GRAMD1C: variants seen among roughly 807,000 people sequenced by gnomAD.
GRAMD1C encodes the protein protein Aster-C.
A neutral mutation model predicts 97.8 loss-of-function variants in GRAMD1C; 89 were observed. That is an observed-to-expected ratio of 0.91 (90% CI 0.77 to 1.09). The LOEUF is 1.09. GRAMD1C is among the 50% of genes least tolerant of loss of function. The pLI, the probability that GRAMD1C is intolerant of heterozygous loss-of-function variation, is 0.00. For synonymous variants in GRAMD1C, 256 were observed against 267.0 expected, an observed-to-expected ratio of 0.96 and a Z score of 0.40; for missense variants, 740 against 766.4, an observed-to-expected ratio of 0.97 and a Z score of 0.41.
intron 1 of GRAMD1C, among the ~76,000 whole-genome samples, 180 bp downstream of exon 1, chr3:113,839,116 C>A (rs1171295003): frequency 6.6e-6 from 1 of 152,086 alleles, no homozygotes; most frequent in Non-Finnish European, 1.5e-5. Flanking sequence ...CTCTGCGAGC[C>A]CTTTCCCTAC....
intron 6 of GRAMD1C, among the ~76,000 whole-genome samples, chr3:113,895,421 A>C (rs1935897229): frequency 6.6e-6 from 1 of 152,118 alleles, no homozygotes; most frequent in South Asian, 2.1e-4. Flanking sequence ...TTCTCTAAAT[A>C]GTGGTCAGTT....
chr3:113,877,342 C>A (rs1241142900), intron 5 of GRAMD1C, among the ~76,000 whole-genome samples: 1 of 152,214 alleles, frequency 6.6e-6, no homozygotes. Context: ...TAACACTGAT[C>A]TGTTACTGCC....
chr3:113,913,009 A>T, intron 9 of GRAMD1C: 1 of 528,916 alleles, frequency 1.9e-6, no homozygotes, highest in South Asian at 1.7e-5. Context: ...AGTGGGAGAC[A>T]TTTGGAAAGA....
At chr3:113,879,875 G>C (rs1394501682) in intron 5 of GRAMD1C, among the ~76,000 whole-genome samples, 1 of 151,804 alleles carries the variant, frequency 6.6e-6, no homozygotes, top group South Asian at 2.1e-4. Flanking sequence ...TGTATTTTTA[G>C]TAGAGACGGG....
intron 2 of GRAMD1C, chr3:113,850,846 G>A (rs1363687494): frequency 2.5e-6 from 1 of 400,550 alleles, no homozygotes; most frequent in Non-Finnish European, 4.1e-6. Flanking sequence ...CTGTCACCCA[G>A]GCAGGAGTGC....
chr3:113,861,454 A>G (rs868808290), intron 2 of GRAMD1C, among the ~76,000 whole-genome samples: 73 of 152,292 alleles, frequency 4.8e-4, no homozygotes, highest in African/African-American at 1.6e-3. Flanking sequence ...GCACTGTGCT[A>G]TGATCGTGCC....
chr3:113,910,564 T>C (rs1268730831), intron 9 of GRAMD1C, among the ~76,000 whole-genome samples: 1 of 152,222 alleles, frequency 6.6e-6, no homozygotes, highest in Non-Finnish European at 1.5e-5. Context: ...TTGTAATCCA[T>C]GTGTACATGA....
chr3:113,887,855 T>G (rs1935575888), intron 6 of GRAMD1C, among the ~76,000 whole-genome samples: 1 of 151,928 alleles, frequency 6.6e-6, no homozygotes, highest in Non-Finnish European at 1.5e-5. Flanking sequence ...AAGGAAATAT[T>G]ATGAATAATT....
intron 2 of GRAMD1C, among the ~76,000 whole-genome samples, chr3:113,845,430 G>A (rs995279920): frequency 2.0e-5 from 3 of 152,136 alleles, no homozygotes; most frequent in Non-Finnish European, 2.9e-5. Context: ...GATAGCTCAC[G>A]CCTGTAATCC....
intron 9 of GRAMD1C, among the ~76,000 whole-genome samples, chr3:113,911,328 C>T (rs1353461664): frequency 2.6e-5 from 4 of 151,772 alleles, no homozygotes; most frequent in East Asian, 1.9e-4. Flanking sequence ...CTCTGCCTCC[C>T]GAGTTCAAGC....
Position 113,905,900 on chromosome 3 carries a change from T to C in GRAMD1C, c.789+1628T>C, listed in dbSNP as rs201151335. On this transcript the variant is annotated intron_variant, in intron 8 of 17. Coordinates refer to ENST00000358160, the MANE Select transcript of GRAMD1C (RefSeq NM_017577.5). ...TTAGTAGAGATGGGGTTTCCCCATGTTGGCCAGGCTGGTCTCGAACACCTA... is the reference window on the plus strand; with the variant it reads ...TTAGTAGAGATGGGGTTTCCCCATGCTGGCCAGGCTGGTCTCGAACACCTA... Among the ~76,000 whole-genome samples, 14 of 152,318 alleles carry C rather than the reference T, an allele frequency of 9.2e-5. No homozygotes were observed. In the East Asian group the frequency reaches 2.7e-3, roughly 29 times the overall value.
Position 113,838,934 on chromosome 3 carries a change from C to A in GRAMD1C, c.25C>A (p.Gln9Lys). 9.1e-7 allele frequency: 1 copy of A among 1,096,788 alleles called. No homozygotes were observed. The highest frequency in any genetic ancestry group is 1.1e-6 in the Non-Finnish European group (1 of 923,128). The allele number at this position is 1,096,788 out of a possible 1,614,324, so 67.9% of individuals were successfully genotyped here. The change falls in exon 1 of 18, where the codon CAG (glutamine) becomes AAG (lysine). Residue 9 changes from glutamine (Q) to lysine (K), a missense_variant and splice_region_variant. By Grantham distance (53) the Gln-to-Lys change is moderately conservative. Coordinates refer to ENST00000358160, the MANE Select transcript of GRAMD1C (RefSeq NM_017577.5). MEGAPTVR[Q>K]VMNEGDSSLA... is the part of the protein sequence containing the mutation. ...GATGGAGGGCGCTCCGACTGTCCGT[C>A]AGGTAAGCCGCGGGCCTCGCTGGGG...
chr3:113,943,897 G>C (rs1937933054), intron 17 of GRAMD1C, among the ~76,000 whole-genome samples: 1 of 152,218 alleles, frequency 6.6e-6, no homozygotes, highest in African/African-American at 2.4e-5. Context: ...CTGGGTGAAA[G>C]AGCGAGACTC....
chr3:113,876,156 T>C lies in GRAMD1C; in HGVS notation c.364-9T>C. The C allele has an allele frequency of 7.1e-7, 1 of 1,408,760 alleles. No individual in the cohort carries two copies. The highest frequency in any genetic ancestry group is 2.3e-5 in the East Asian group (1 of 43,840). The allele number at this position is 1,408,760 out of a possible 1,614,324, so 87.3% of individuals were successfully genotyped here. A position where few individuals can be genotyped will look rare whatever the true frequency, so the allele number is the denominator to read the frequency against. ...AAAAATACATTAAAAAAATTTTTTGTGTGTTTAGATTTCTATTGCTTTAAA... is the reference window on the plus strand; with the variant it reads ...AAAAATACATTAAAAAAATTTTTTGCGTGTTTAGATTTCTATTGCTTTAAA... On this transcript the variant is annotated splice_polypyrimidine_tract_variant and intron_variant, in intron 4 of 17. Coordinates refer to ENST00000358160, the MANE Select transcript of GRAMD1C (RefSeq NM_017577.5).
intron 2 of GRAMD1C, among the ~76,000 whole-genome samples, chr3:113,859,239 T>C (rs1239300533): frequency 6.6e-6 from 1 of 152,210 alleles, no homozygotes; most frequent in Non-Finnish European, 1.5e-5. Flanking sequence ...CATCTTTAGC[T>C]GTGTCCCACA....
chr3:113,889,285 C>G (rs1345824085), intron 6 of GRAMD1C, among the ~76,000 whole-genome samples: 1 of 152,090 alleles, frequency 6.6e-6, no homozygotes, highest in Non-Finnish European at 1.5e-5. Flanking sequence ...CATGGATGAG[C>G]CTTGAAAACA....
In GRAMD1C at chr3:113,908,944, T is replaced by G; in HGVS notation, c.790-14T>G. ...CCTGTGTTTTATTTTGAAACTGGATTGTTTACCTTTTAGGGATTAGGCAAA... is the reference window on the plus strand; with the variant it reads ...CCTGTGTTTTATTTTGAAACTGGATGGTTTACCTTTTAGGGATTAGGCAAA... On this transcript the variant is annotated splice_polypyrimidine_tract_variant and intron_variant, in intron 8 of 17. Coordinates refer to ENST00000358160, the MANE Select transcript of GRAMD1C (RefSeq NM_017577.5). 1 of 1,506,454 alleles carries G rather than the reference T, an allele frequency of 6.6e-7. No homozygotes were observed. 93.3% of individuals were successfully genotyped at this position (1,506,454 alleles called of 1,614,324 possible). A position where few individuals can be genotyped will look rare whatever the true frequency, so the allele number is the denominator to read the frequency against.
chr3:113,835,083 T>C (rs1709616071), upstream of GRAMD1C, among the ~76,000 whole-genome samples: 1 of 152,200 alleles, frequency 6.6e-6, no homozygotes, highest in African/African-American at 2.4e-5. Context: ...TTTAAATACA[T>C]GACCATTAAT....
intron 6 of GRAMD1C, among the ~76,000 whole-genome samples, chr3:113,892,544 A>G (rs1935774686): frequency 6.6e-6 from 1 of 152,208 alleles, no homozygotes; most frequent in African/African-American, 2.4e-5. Flanking sequence ...GTTTATTTCT[A>G]ATATTTGACC....
Sources: gnomAD v4.1 joint callset for allele counts (sites outside exome capture counted in the v4.1 genomes callset) on GRCh38, gnomAD v4.1.1 for gene constraint, MANE v1.5 for transcripts, NCBI Gene and HGNC (gene_info 2026-07-23, HGNC 2026-07-21) for gene names.